The following DCK variants were observed in gnomAD, a reference collection of about 807,000 sequenced individuals.
DCK encodes deoxyadenosine kinase.
A neutral mutation model predicts 38.3 loss-of-function variants in DCK; 23 were observed. The ratio of observed to expected loss-of-function variants is 0.60; its 90% CI spans 0.43 to 0.85. The LOEUF (loss-of-function observed/expected upper bound fraction) is 0.85. Among genes scored for constraint, DCK ranks in the 40% least tolerant of loss-of-function variants. The pLI, the probability that DCK is intolerant of heterozygous loss-of-function variation, is 0.00. For synonymous variants in DCK, 108 were observed against 100.6 expected (o/e 1.07, Z -0.44); for missense variants, 259 against 304.4 (o/e 0.85, Z 1.11).
intron 1 of DCK, among the ~76,000 whole-genome samples, chr4:70,995,596 A>G (rs1037139917): frequency 5.3e-5 from 8 of 152,106 alleles, no homozygotes; most frequent in Admixed American, 3.9e-4. Flanking sequence ...GAAACAAAAC[A>G]GTAAAGTTGA....
Position 71,012,325 on chromosome 4 carries a change from ACT to A in DCK, c.208-10040_208-10039del, listed in dbSNP as rs909725885. ...CAAGGAGGCCTGCCTGCCTCTGTAG[ACT>A]CCACCTCTGGGGGCAGGGCATAGCT... On this transcript the variant is annotated intron_variant, in intron 2 of 6. Transcript: ENST00000286648. Among the ~76,000 whole-genome samples the A allele has an allele frequency of 1.3e-3, 198 of 152,272 alleles. 1 individual carries two copies. Among genetic ancestry groups the A allele is most frequent in the African/African-American group, 4.4e-3 (183 of 41,538 alleles).
Position 71,027,486 on chromosome 4 carries a change from T to C in DCK, c.756+731T>C, listed in dbSNP as rs538210798. ...TGAGAGAGAATAGTAAGGGAATTGG[T>C]ATAACAAATATCCCTATACCCATGT... On this transcript the variant is annotated intron_variant, in intron 6 of 6. Transcript: ENST00000286648. Among the ~76,000 whole-genome samples the C allele has an allele frequency of 5.1e-4, 78 of 152,234 alleles. 2 individuals carry two copies. The South Asian group carries it at 0.016, about 31-fold the overall frequency.
At chr4:71,023,749 A>G (rs1466502093) in intron 4 of DCK, 43 bp downstream of exon 4, 9 of 1,582,896 alleles carry the variant, frequency 5.7e-6, no homozygotes, top group Non-Finnish European at 7.7e-6. Flanking sequence ...ATTTAAAGAA[A>G]TATTTAGAAC....
chr4:71,007,597 G>A (rs1248204831), intron 2 of DCK, among the ~76,000 whole-genome samples: 1 of 152,144 alleles, frequency 6.6e-6, no homozygotes, highest in East Asian at 1.9e-4. Context: ...TATATAAGTG[G>A]AATTACATTG....
In DCK at chr4:71,002,231, C is replaced by T. The variant is rs189472687; in HGVS notation, c.207+4049C>T. On this transcript the variant is annotated intron_variant, in intron 2 of 6. Transcript: ENST00000286648. ...TTCTGCCCTAATTTCGTTATTTACC[C>T]GGTAGTCATTCAGGAGTTGTTCAGT... Among the ~76,000 whole-genome samples, 39 of 152,260 alleles carry T rather than the reference C, an allele frequency of 2.6e-4. 1 individual carries two copies. Among genetic ancestry groups the T allele is most frequent in the Admixed American group, 5.9e-4 (9 of 15,286 alleles).
At chr4:71,005,117 C>T (rs1322286150) in intron 2 of DCK, among the ~76,000 whole-genome samples, 2 of 152,174 alleles carry the variant, frequency 1.3e-5, no homozygotes, top group East Asian at 1.9e-4. Context: ...TGTAGGCACC[C>T]GAGGGAATCT....
chr4:71,014,535 A>C (rs951742572), intron 2 of DCK, among the ~76,000 whole-genome samples: 3 of 152,300 alleles, frequency 2.0e-5, no homozygotes, highest in East Asian at 1.9e-4. Flanking sequence ...CACTCTTCAG[A>C]AAATGTAAAA....
intron 2 of DCK, among the ~76,000 whole-genome samples, chr4:71,017,564 T>C (rs984054533): frequency 1.3e-5 from 2 of 151,538 alleles, no homozygotes; most frequent in Non-Finnish European, 2.9e-5. Context: ...ATTAAGAAAA[T>C]GTGGCACATA....
chr4:71,022,653 T>A, intron 3 of DCK, 93 bp downstream of exon 3: 1 of 678,676 alleles, frequency 1.5e-6, no homozygotes, highest in Non-Finnish European at 2.2e-6. Flanking sequence ...GAATTAGTAA[T>A]AATGAATGGC....
chr4:71,008,679 T>C (rs574242306), intron 2 of DCK, among the ~76,000 whole-genome samples: 3 of 152,316 alleles, frequency 2.0e-5, no homozygotes, highest in South Asian at 2.1e-4. Context: ...AACAGGGTAT[T>C]GGACTAGGTG....
At chr4:70,994,016 C>A in intron 1 of DCK, 90 bp downstream of exon 1, 1 of 934,996 alleles carries the variant, frequency 1.1e-6, no homozygotes, top group Non-Finnish European at 1.7e-6. Context: ...TGCAGCAACT[C>A]GGTGAGGGCT....
chr4:71,015,956 TAAAG>T (rs1740251477), intron 2 of DCK, among the ~76,000 whole-genome samples: 2 of 152,224 alleles, frequency 1.3e-5, no homozygotes, highest in African/African-American at 4.8e-5. Flanking sequence ...TAGAAGGAAA[TAAAG>T]GGTATTCAAT....
chr4:71,028,560 T>G, intron 6 of DCK: 1 of 403,010 alleles, frequency 2.5e-6, no homozygotes, highest in South Asian at 1.9e-5. Flanking sequence ...AAAATGACCT[T>G]TTAGGTCATT....
intron 2 of DCK, among the ~76,000 whole-genome samples, chr4:71,010,588 A>C (rs1046747670): frequency 6.8e-6 from 1 of 147,892 alleles, no homozygotes; most frequent in Non-Finnish European, 1.5e-5. Flanking sequence ...TTTATTTTTA[A>C]TTTACAGATA....
chr4:71,003,652 C>G (rs538943072), intron 2 of DCK, among the ~76,000 whole-genome samples: 2 of 152,066 alleles, frequency 1.3e-5, no homozygotes, highest in East Asian at 1.9e-4. Context: ...TTGTTTGTTC[C>G]TTTTCATTCT....
At chr4:71,015,156 TCTAC>T (rs1434470527) in intron 2 of DCK, among the ~76,000 whole-genome samples, 1,328 of 91,226 alleles carry the variant, frequency 0.015, 8 homozygotes, top group Middle Eastern at 0.017. Context: ...TACAAACACC[TCTAC>T]GCAAATAAAC....
intron 4 of DCK, 26 bp downstream of exon 4, chr4:71,023,732 A>C (rs781015507): frequency 1.3e-6 from 2 of 1,591,500 alleles, no homozygotes; most frequent in Non-Finnish European, 1.7e-6. Context: ...AATGTGTTTC[A>C]CTGAAAATTT....
chr4:71,024,587 A>G (rs1740504873), intron 4 of DCK, among the ~76,000 whole-genome samples: 1 of 152,090 alleles, frequency 6.6e-6, no homozygotes, highest in Non-Finnish European at 1.5e-5. Flanking sequence ...TTTCAAAGAA[A>G]TTAGGTTTCC....
At chr4:70,994,489 C>T (rs1451179743) in intron 1 of DCK, among the ~76,000 whole-genome samples, 1 of 152,158 alleles carries the variant, frequency 6.6e-6, no homozygotes, top group Non-Finnish European at 1.5e-5. Context: ...GCTATATCGC[C>T]TTTTGTGTCT....
Sources: allele counts gnomAD v4.1 joint callset (sites outside exome capture counted in the v4.1 genomes callset), GRCh38; gene constraint gnomAD v4.1.1; transcripts MANE v1.5; gene names NCBI Gene and HGNC (gene_info 2026-07-23, HGNC 2026-07-21).